The following ARL8B variants were observed in gnomAD, a reference collection of about 807,000 sequenced individuals.
The protein encoded by ARL8B is ADP-ribosylation factor-like protein 8B.
In ARL8B, 9 loss-of-function variants were observed where a neutral mutation model predicts 30.6. The observed-to-expected ratio is 0.29, with a 90% CI of 0.18 to 0.51. The LOEUF is 0.51. Ranked by LOEUF, ARL8B falls within the 20% of genes least tolerant of loss-of-function variation. ARL8B has a pLI of 0.97. For missense variants in ARL8B, 130 were observed against 227.2 expected, an observed-to-expected ratio of 0.57 and a Z score of 2.75; for synonymous variants, 74 against 76.0, an observed-to-expected ratio of 0.97 and a Z score of 0.14.
At position 5,131,669 on chromosome 3, in the gene ARL8B, G is replaced by A. The variant is rs72643477; in HGVS notation, c.123+9081G>A. 2.6e-5 allele frequency among the ~76,000 whole-genome samples: 4 copies of A among 152,276 alleles called. No individual in the cohort carries two copies. In the East Asian group the frequency reaches 7.7e-4, roughly 29 times the overall value. ...GCCTCCCAAAGTGCTGGGATTACAG[G>A]TGTGAGCCACTGCACCCAGCCTACC... is the stretch of plus-strand genomic sequence containing the variant. On this transcript the variant is annotated intron_variant, in intron 1 of 6. Transcript: ENST00000256496.
At chr3:5,160,336 A>G (rs1316715239) in intron 1 of ARL8B, among the ~76,000 whole-genome samples, 1 of 152,214 alleles carries the variant, frequency 6.6e-6, no homozygotes, top group African/African-American at 2.4e-5. Context: ...AGCAAGTTGA[A>G]TTTTTATTCA....
intron 1 of ARL8B, among the ~76,000 whole-genome samples, chr3:5,153,270 C>G (rs1165033136): frequency 6.6e-6 from 1 of 152,160 alleles, no homozygotes; most frequent in Non-Finnish European, 1.5e-5. Context: ...CCCACAATTC[C>G]CATGTGTCAT....
intron 1 of ARL8B, among the ~76,000 whole-genome samples, chr3:5,149,451 A>G (rs2054458367): frequency 6.6e-6 from 1 of 152,204 alleles, no homozygotes; most frequent in African/African-American, 2.4e-5. Context: ...ATGGACTTGG[A>G]GACACCATCC....
intron 1 of ARL8B, among the ~76,000 whole-genome samples, chr3:5,127,162 A>AT (rs909420830): frequency 1.4e-4 from 21 of 152,170 alleles, no homozygotes; most frequent in Admixed American, 1.0e-3. Flanking sequence ...TTTTCCCCTC[A>AT]TTTTTTAGAT....
At chr3:5,167,028 G>C (rs1221639631) in intron 1 of ARL8B, among the ~76,000 whole-genome samples, 1 of 152,200 alleles carries the variant, frequency 6.6e-6, no homozygotes, top group East Asian at 1.9e-4. Context: ...AGATAAGGAA[G>C]CTGAATCCCA....
chr3:5,169,252 C>T (rs1188848148), intron 1 of ARL8B, among the ~76,000 whole-genome samples: 1 of 151,538 alleles, frequency 6.6e-6, no homozygotes. Flanking sequence ...TTAATATCTT[C>T]TGTCTTTATG....
intron 1 of ARL8B, among the ~76,000 whole-genome samples, chr3:5,144,207 C>T (rs1002271149): frequency 7.2e-5 from 11 of 152,146 alleles, no homozygotes; most frequent in Admixed American, 2.0e-4. Flanking sequence ...GACCACATTC[C>T]CAGCAGTGGC....
intron 1 of ARL8B, among the ~76,000 whole-genome samples, chr3:5,160,366 T>C (rs996453150): frequency 2.6e-5 from 4 of 152,200 alleles, no homozygotes; most frequent in Admixed American, 2.6e-4. Context: ...TGGATATGGA[T>C]TTAGTAGCAC....
intron 1 of ARL8B, among the ~76,000 whole-genome samples, chr3:5,142,648 A>G (rs1429213565): frequency 6.6e-6 from 1 of 152,142 alleles, no homozygotes; most frequent in Non-Finnish European, 1.5e-5. Flanking sequence ...TAAATCCTTT[A>G]CCTCAATTAT....
At chr3:5,126,349 A>G (rs1351169129) in intron 1 of ARL8B, among the ~76,000 whole-genome samples, 1 of 152,218 alleles carries the variant, frequency 6.6e-6, no homozygotes, top group Non-Finnish European at 1.5e-5. Context: ...TGTATTGAGT[A>G]CTATGTGTCA....
chr3:5,166,580 C>T (rs2054626489), intron 1 of ARL8B, among the ~76,000 whole-genome samples: 2 of 152,108 alleles, frequency 1.3e-5, no homozygotes, highest in African/African-American at 4.8e-5. Context: ...TCAGGCAATC[C>T]ACCTGCCTTG....
rs566068010 is a variant in ARL8B, at chr3:5,127,990, C to T, written c.123+5402C>T. Among the ~76,000 whole-genome samples the T allele has an allele frequency of 5.6e-4, 84 of 149,358 alleles. 1 individual carries two copies. Among genetic ancestry groups the T allele is most frequent in the African/African-American group, 1.8e-3 (74 of 40,558 alleles). On this transcript the variant is annotated intron_variant, in intron 1 of 6. Transcript: ENST00000256496. ...GGATCATGAGGTCAGGAGTTTGAGA[C>T]CAGCCTGACCAACATGATGAAACCC...
intron 1 of ARL8B, among the ~76,000 whole-genome samples, chr3:5,143,291 C>CA (rs1417322905): frequency 1.3e-5 from 2 of 152,170 alleles, no homozygotes; most frequent in Non-Finnish European, 2.9e-5. Flanking sequence ...GAAATGGGGC[C>CA]AGCCCATGTT....
intron 1 of ARL8B, among the ~76,000 whole-genome samples, chr3:5,153,005 A>G (rs11918736): frequency 0.073 from 11,081 of 152,100 alleles, 441 homozygotes; most frequent in East Asian, 0.12. Flanking sequence ...ACCTTTGCTG[A>G]TTTCAGCGGA....
At chr3:5,139,026 G>A (rs1018832239) in intron 1 of ARL8B, among the ~76,000 whole-genome samples, 1 of 152,170 alleles carries the variant, frequency 6.6e-6, no homozygotes, top group Non-Finnish European at 1.5e-5. Flanking sequence ...TAAGCAGACA[G>A]CTAAAAGATT....
In ARL8B at chr3:5,172,039, A is replaced by C. The variant is rs546294485; in HGVS notation, c.205-111A>C. On this transcript the variant is annotated intron_variant, in intron 2 of 6. Transcript: ENST00000256496. ...GTCTTTCAGGAGCACTTTGCCTCTA[A>C]CATTGTAGAAATAAATATATCTTCC... The C allele has an allele frequency of 5.4e-4, 570 of 1,056,490 alleles. 1 individual carries two copies. Among genetic ancestry groups the C allele is most frequent in the South Asian group, 4.0e-4 (25 of 62,166 alleles). 65.4% of individuals were successfully genotyped at this position (1,056,490 alleles called of 1,614,324 possible).
intron 1 of ARL8B, among the ~76,000 whole-genome samples, chr3:5,126,894 G>A (rs2054234348): frequency 6.6e-6 from 1 of 152,102 alleles, no homozygotes. Context: ...TTTTAGATAT[G>A]TTATAGTTAT....
intron 2 of ARL8B, among the ~76,000 whole-genome samples, chr3:5,171,217 C>T (rs1002188439): frequency 1.3e-5 from 2 of 152,114 alleles, no homozygotes; most frequent in African/African-American, 4.8e-5. Context: ...TTTAGTTAAA[C>T]CGGAAGCCTC....
intron 1 of ARL8B, among the ~76,000 whole-genome samples, chr3:5,125,818 C>G (rs181428209): frequency 6.6e-6 from 1 of 152,138 alleles, no homozygotes; most frequent in Admixed American, 6.5e-5. Context: ...CAGGCGTGAG[C>G]CACTGTGCCC....
Sources: allele counts gnomAD v4.1 joint callset (sites outside exome capture counted in the v4.1 genomes callset), GRCh38; gene constraint gnomAD v4.1.1; transcripts MANE v1.5; gene names NCBI Gene and HGNC (gene_info 2026-07-23, HGNC 2026-07-21).